Variants in LUZP2 observed in about 807,000 individuals in gnomAD.
The protein encoded by LUZP2 is leucine zipper protein 2.
LUZP2 carries 52 observed loss-of-function variants against 51.6 expected under a neutral mutation model. The ratio of observed to expected loss-of-function variants is 1.01; its 90% CI spans 0.81 to 1.27. The LOEUF (loss-of-function observed/expected upper bound fraction) is 1.27, where lower values mean the gene tolerates loss of function less well. Ranked by LOEUF, LUZP2 falls within the 50% of genes most tolerant of loss-of-function variation. The pLI is 0.00. For missense variants in LUZP2, 436 were observed against 395.4 expected, an observed-to-expected ratio of 1.10 and a Z score of -0.87; for synonymous variants, 154 against 137.3, an observed-to-expected ratio of 1.12 and a Z score of -0.85.
intron 1 of LUZP2, among the ~76,000 whole-genome samples, chr11:24,716,878 A>C (rs1858064697): frequency 6.6e-6 from 1 of 151,412 alleles, no homozygotes; most frequent in Admixed American, 6.6e-5. Flanking sequence ...CCTGGGTGAC[A>C]GAGTGAGACT....
chr11:24,751,921 A>G (rs1342571730), intron 4 of LUZP2, among the ~76,000 whole-genome samples: 2 of 152,080 alleles, frequency 1.3e-5, no homozygotes, highest in Admixed American at 1.3e-4. Flanking sequence ...AAAAAATCAT[A>G]AAAAAACTAC....
intron 1 of LUZP2, among the ~76,000 whole-genome samples, chr11:24,534,674 T>A (rs1348101233): frequency 6.6e-6 from 1 of 151,468 alleles, no homozygotes; most frequent in Non-Finnish European, 1.5e-5. Flanking sequence ...ATTCCACCTA[T>A]AAATTCCTTA....
intron 1 of LUZP2, among the ~76,000 whole-genome samples, chr11:24,553,184 C>G (rs1356490302): frequency 6.6e-6 from 1 of 151,552 alleles, no homozygotes; most frequent in Non-Finnish European, 1.5e-5. Context: ...ACACACATTT[C>G]TGTGCGTGTT....
intron 7 of LUZP2, among the ~76,000 whole-genome samples, chr11:24,950,163 G>A (rs1428720103): frequency 6.6e-6 from 1 of 151,186 alleles, no homozygotes; most frequent in African/African-American, 2.4e-5. Context: ...GTAGTGAGTA[G>A]ACAGATCAAT....
intron 1 of LUZP2, among the ~76,000 whole-genome samples, chr11:24,671,561 TACACAC>T (rs61319296): frequency 8.0e-4 from 118 of 148,116 alleles, no homozygotes; most frequent in Middle Eastern, 3.5e-3. Context: ...CTCTCTGTCT[TACACAC>T]ACACACACAC....
chr11:24,622,029 T>C (rs976787170), intron 1 of LUZP2, among the ~76,000 whole-genome samples: 14 of 151,846 alleles, frequency 9.2e-5, no homozygotes, highest in Non-Finnish European at 2.1e-4. Context: ...CAGCCTCTGC[T>C]TCCTGGGCTC....
At chr11:24,931,778 C>CACTA (rs1854463282) in intron 7 of LUZP2, among the ~76,000 whole-genome samples, 1 of 152,170 alleles carries the variant, frequency 6.6e-6, no homozygotes, top group Non-Finnish European at 1.5e-5. Flanking sequence ...TGCTGCTGAA[C>CACTA]TAGTGTGGTC....
intron 1 of LUZP2, among the ~76,000 whole-genome samples, chr11:24,571,047 T>C (rs937969923): frequency 1.3e-5 from 2 of 152,096 alleles, no homozygotes; most frequent in Non-Finnish European, 2.9e-5. Context: ...ATGAATGTTA[T>C]AGAAAAATAG....
chr11:25,018,532 T>A (rs1857230498), intron 9 of LUZP2, among the ~76,000 whole-genome samples: 1 of 152,128 alleles, frequency 6.6e-6, no homozygotes, highest in African/African-American at 2.4e-5. Context: ...TCAATGCATA[T>A]TAGCATGGAC....
At chr11:24,833,221 C>T (rs1157472624) in intron 5 of LUZP2, among the ~76,000 whole-genome samples, 1 of 152,184 alleles carries the variant, frequency 6.6e-6, no homozygotes, top group Non-Finnish European at 1.5e-5. Context: ...ATGGTAATAA[C>T]TGAACTCTGC....
intron 5 of LUZP2, among the ~76,000 whole-genome samples, chr11:24,830,995 A>C (rs1417494658): frequency 1.4e-5 from 2 of 148,088 alleles, no homozygotes; most frequent in African/African-American, 5.3e-5. Flanking sequence ...CTCCCTCTCA[A>C]AAATAAAAAT....
intron 9 of LUZP2, among the ~76,000 whole-genome samples, chr11:24,985,553 C>T (rs1565192450): frequency 6.6e-6 from 1 of 151,660 alleles, no homozygotes; most frequent in African/African-American, 2.4e-5. Flanking sequence ...TGGTGACCTA[C>T]TTTATGTCAC....
chr11:24,900,243 G>A (rs1853234420), intron 5 of LUZP2, among the ~76,000 whole-genome samples: 1 of 152,094 alleles, frequency 6.6e-6, no homozygotes, highest in Non-Finnish European at 1.5e-5. Flanking sequence ...TATAAGGTTG[G>A]TCTAAATGAG....
chr11:24,946,447 G>C (rs1854904670), intron 7 of LUZP2, among the ~76,000 whole-genome samples: 1 of 151,734 alleles, frequency 6.6e-6, no homozygotes, highest in Admixed American at 6.6e-5. Context: ...TGTATAATGT[G>C]ATGCTTTCTA....
chr11:24,689,173 G>A (rs1433754872), intron 1 of LUZP2, among the ~76,000 whole-genome samples: 1 of 152,128 alleles, frequency 6.6e-6, no homozygotes, highest in Non-Finnish European at 1.5e-5. Flanking sequence ...TCCAAGTCCT[G>A]TCCAGCCCTT....
At chr11:25,015,164 T>G (rs186481371) in intron 9 of LUZP2, among the ~76,000 whole-genome samples, 1 of 152,174 alleles carries the variant, frequency 6.6e-6, no homozygotes, top group African/African-American at 2.4e-5. Flanking sequence ...TCATGCTATA[T>G]CCGTATAAAT....
chr11:24,952,792 T>C (rs1855114288), intron 7 of LUZP2, among the ~76,000 whole-genome samples: 1 of 151,978 alleles, frequency 6.6e-6, no homozygotes, highest in Admixed American at 6.6e-5. Flanking sequence ...TGTGTAACAC[T>C]AATTGTTATT....
intron 7 of LUZP2, among the ~76,000 whole-genome samples, chr11:24,921,895 T>A (rs750020547): frequency 6.6e-6 from 1 of 152,168 alleles, no homozygotes; most frequent in Non-Finnish European, 1.5e-5. Flanking sequence ...TCACTTCATT[T>A]GACCCTCAAC....
chr11:24,965,815 A>G (rs1043963475), intron 7 of LUZP2, among the ~76,000 whole-genome samples: 2 of 151,854 alleles, frequency 1.3e-5, no homozygotes, highest in African/African-American at 4.8e-5. Flanking sequence ...ACTCTGGTAC[A>G]TTGACTAGAT....
Sources: gnomAD v4.1 joint callset for allele counts (sites outside exome capture counted in the v4.1 genomes callset) on GRCh38, gnomAD v4.1.1 for gene constraint, MANE v1.5 for transcripts, NCBI Gene and HGNC (gene_info 2026-07-23, HGNC 2026-07-21) for gene names.